The following MAP4K4 variants were observed in gnomAD, a reference collection of about 807,000 sequenced individuals.
MAP4K4 encodes the protein mitogen-activated protein kinase kinase kinase kinase 4, also known as HPK/GCK-like kinase HGK.
In MAP4K4, 38 loss-of-function variants were observed where a neutral mutation model predicts 189.6. The ratio of observed to expected loss-of-function variants is 0.20; its 90% CI spans 0.15 to 0.26. The LOEUF is 0.26. Ranked by LOEUF, MAP4K4 falls within the 10% of genes least tolerant of loss-of-function variation. The pLI is 1.00. For missense variants in MAP4K4, 1,054 were observed against 1,726.9 expected, an observed-to-expected ratio of 0.61 and a Z score of 6.91; for synonymous variants, 610 against 624.3, an observed-to-expected ratio of 0.98 and a Z score of 0.34.
rs141950689 is a variant in MAP4K4 at position 101,891,052 on chromosome 2, G to A, written c.4072-114G>A. ...GAGTTTCTTTTGAAAAGGCTCTTTGGGAGTCTAAGCTTCTCGTACTTGACA... is the reference window on the plus strand; with the variant it reads ...GAGTTTCTTTTGAAAAGGCTCTTTGAGAGTCTAAGCTTCTCGTACTTGACA... On this transcript the variant is annotated intron_variant, in intron 32 of 32. Transcript: ENST00000324219. 1,025 of 794,754 alleles carry A rather than the reference G, an allele frequency of 1.3e-3. 6 individuals carry two copies. In the African/African-American group the frequency reaches 0.015, roughly 12 times the overall value. 49.2% of individuals were successfully genotyped at this position (794,754 alleles called of 1,614,324 possible). A position where few individuals can be genotyped will look rare whatever the true frequency, so the allele number is the denominator to read the frequency against.
chr2:101,891,491 A>T, exon 33 of MAP4K4: 1 of 416,032 alleles, frequency 2.4e-6, no homozygotes, highest in Non-Finnish European at 4.4e-6. Context: ...TGCTGTTCAG[A>T]TTCTACCATC....
intron 10 of MAP4K4, among the ~76,000 whole-genome samples, chr2:101,840,422 G>T (rs74720644): frequency 0.14 from 21,190 of 152,156 alleles, 1,588 homozygotes; most frequent in South Asian, 0.2. Flanking sequence ...ATTACAAGCG[G>T]TGTGGTAGCA....
chr2:101,882,132 T>G (rs2098407390), intron 27 of MAP4K4, among the ~76,000 whole-genome samples: 1 of 152,230 alleles, frequency 6.6e-6, no homozygotes, highest in Non-Finnish European at 1.5e-5. Context: ...TTCTGAAGTT[T>G]CTAGTTGTTC....
chr2:101,855,472 G>A (rs550715186), intron 12 of MAP4K4, among the ~76,000 whole-genome samples: 1 of 152,318 alleles, frequency 6.6e-6, no homozygotes, highest in Admixed American at 6.5e-5. Flanking sequence ...CTCAGTAGCA[G>A]TTTCTGAAAT....
At chr2:101,753,523 AAAATC>A (rs1364623430) in intron 2 of MAP4K4, among the ~76,000 whole-genome samples, 1 of 152,220 alleles carries the variant, frequency 6.6e-6, no homozygotes, top group Non-Finnish European at 1.5e-5. Flanking sequence ...TGGACTCTGA[AAAATC>A]AAGTCAGTGG....
At chr2:101,790,390 T>C (rs939741694) in intron 2 of MAP4K4, among the ~76,000 whole-genome samples, 1 of 151,036 alleles carries the variant, frequency 6.6e-6, no homozygotes, top group African/African-American at 2.4e-5. Flanking sequence ...AAGTGTAAAA[T>C]ATAGGAAAAT....
rs1026525126 is a variant in MAP4K4, at chr2:101,829,361, GGGAATGCACTAAGAC to G, written c.418-141_418-127del. On this transcript the variant is annotated intron_variant, in intron 5 of 32. Transcript: ENST00000324219. Reference sequence around the variant, plus strand: ...GTGGTAGTATTGGTGCTGTCTTCCTGGGAATGCACTAAGACGAAGTTAATGTTCATGAGCTCACAA... The same window carrying G: ...GTGGTAGTATTGGTGCTGTCTTCCTGGAAGTTAATGTTCATGAGCTCACAA... 74 of 592,646 alleles carry G rather than the reference GGGAATGCACTAAGAC, an allele frequency of 1.2e-4. No homozygotes were observed. In the African/African-American group the frequency reaches 1.3e-3, roughly 10 times the overall value. The allele number at this position is 592,646 out of a possible 1,614,324, so 36.7% of individuals were successfully genotyped here.
At chr2:101,725,836 G>A (rs1031435002) in intron 2 of MAP4K4, among the ~76,000 whole-genome samples, 1 of 152,194 alleles carries the variant, frequency 6.6e-6, no homozygotes, top group Non-Finnish European at 1.5e-5. Flanking sequence ...ATGGCATTCT[G>A]TCCTCTTCAG....
intron 20 of MAP4K4, 195 bp downstream of exon 20, chr2:101,867,504 C>G: frequency 1.8e-6 from 1 of 547,838 alleles, no homozygotes; most frequent in Middle Eastern, 4.7e-4. Flanking sequence ...TGTATAAAGT[C>G]TCAAGTGAGT....
intron 2 of MAP4K4, among the ~76,000 whole-genome samples, chr2:101,785,734 CTCTCTCT>C: frequency 1.1e-4 from 1 of 9,462 alleles, no homozygotes; most frequent in African/African-American, 1.4e-3. Flanking sequence ...CTCTCTCTCT[CTCTCTCT>C]CTCTCTCTCT....
Position 101,851,259 on chromosome 2 carries a change from TTCTG to T in MAP4K4, c.1234-4712_1234-4709del, listed in dbSNP as rs1485838212. ...ATCACGTTAGGACATCACACAGTTTTTCTGTCTGTTTGATTTTATTTTTAAAGAA... is the reference window on the plus strand; with the variant it reads ...ATCACGTTAGGACATCACACAGTTTTTCTGTTTGATTTTATTTTTAAAGAA... On this transcript the variant is annotated intron_variant, in intron 12 of 32. Coordinates refer to ENST00000324219, the Ensembl canonical transcript of MAP4K4. 5.3e-5 allele frequency among the ~76,000 whole-genome samples: 8 copies of T among 152,346 alleles called. 1 individual carries two copies. The highest frequency in any genetic ancestry group is 3.4e-3 in the Middle Eastern group (1 of 294).
chr2:101,731,177 C>T (rs890376391), intron 2 of MAP4K4, among the ~76,000 whole-genome samples: 1 of 151,696 alleles, frequency 6.6e-6, no homozygotes, highest in Non-Finnish European at 1.5e-5. Context: ...AGTGCAGTGG[C>T]GCGATCTCGG....
intron 2 of MAP4K4, among the ~76,000 whole-genome samples, chr2:101,750,420 A>G (rs2149953325): frequency 6.8e-6 from 1 of 147,006 alleles, no homozygotes; most frequent in Non-Finnish European, 1.5e-5. Flanking sequence ...ACAAAAAACC[A>G]AACACCGCAT....
intron 26 of MAP4K4, 115 bp downstream of exon 26, chr2:101,874,367 G>A (rs1270797750): frequency 4.6e-6 from 4 of 874,476 alleles, no homozygotes; most frequent in Non-Finnish European, 7.0e-6. Context: ...AGACTTCTAT[G>A]ATGTCCATCT....
At chr2:101,712,179 CTT>C (rs1401733849) in intron 2 of MAP4K4, among the ~76,000 whole-genome samples, 1 of 151,702 alleles carries the variant, frequency 6.6e-6, no homozygotes, top group African/African-American at 2.4e-5. Context: ...ATACATTTCA[CTT>C]TTATTTATTA....
intron 3 of MAP4K4, among the ~76,000 whole-genome samples, chr2:101,804,044 C>G (rs1282629674): frequency 6.6e-6 from 1 of 152,188 alleles, no homozygotes; most frequent in Non-Finnish European, 1.5e-5. Flanking sequence ...AAGCCAGGCT[C>G]TCTCTGCTCC....
intron 2 of MAP4K4, among the ~76,000 whole-genome samples, chr2:101,733,174 G>A (rs1452247334): frequency 6.6e-6 from 1 of 152,220 alleles, no homozygotes; most frequent in East Asian, 1.9e-4. Flanking sequence ...TCTGTCTGAA[G>A]TAGAGCATGA....
chr2:101,773,399 T>C, intron 2 of MAP4K4, among the ~76,000 whole-genome samples: 1 of 152,228 alleles, frequency 6.6e-6, no homozygotes, highest in East Asian at 1.9e-4. Flanking sequence ...GCGACCTGGG[T>C]TCCCCACCCC....
chr2:101,884,904 G>A (rs2098459678), intron 28 of MAP4K4, among the ~76,000 whole-genome samples: 1 of 152,144 alleles, frequency 6.6e-6, no homozygotes, highest in Admixed American at 6.6e-5. Flanking sequence ...AAGACTTCAG[G>A]GTGGTATACC....
Sources: gnomAD v4.1 joint callset for allele counts (sites outside exome capture counted in the v4.1 genomes callset) on GRCh38, gnomAD v4.1.1 for gene constraint, MANE v1.5 for transcripts, NCBI Gene and HGNC (gene_info 2026-07-23, HGNC 2026-07-21) for gene names.